The following PXDNL variants were observed in gnomAD, a reference collection of about 807,000 sequenced individuals.
PXDNL encodes peroxidasin like.
Under a neutral mutation model 150.8 loss-of-function variants are expected in PXDNL, and 145 were observed. The observed-to-expected ratio is 0.96, with a 90% CI of 0.84 to 1.10. The LOEUF (loss-of-function observed/expected upper bound fraction) is 1.10, where lower values mean the gene tolerates loss of function less well. Ranked by LOEUF, PXDNL falls within the 50% of genes least tolerant of loss-of-function variation. The probability of loss-of-function intolerance (pLI) is 0.00; values close to 1 mark genes in which losing one functional copy is unlikely to be tolerated. For missense variants in PXDNL, 2,087 were observed against 1,873.9 expected (o/e 1.11, Z -2.10); for synonymous variants, 757 against 725.7 (o/e 1.04, Z -0.69).
chr8:51,587,525 G>A (rs1203959053), intron 3 of PXDNL, among the ~76,000 whole-genome samples: 2 of 152,134 alleles, frequency 1.3e-5, no homozygotes, highest in Admixed American at 1.3e-4. Flanking sequence ...TAGAGGAAAA[G>A]CTATGCTATC....
chr8:51,396,302 T>C (rs1808079426), intron 17 of PXDNL, among the ~76,000 whole-genome samples: 1 of 152,212 alleles, frequency 6.6e-6, no homozygotes, highest in Non-Finnish European at 1.5e-5. Flanking sequence ...GCAGGAACCA[T>C]ATGTGCTGCT....
At chr8:51,674,458 G>A (rs867314756) in intron 1 of PXDNL, among the ~76,000 whole-genome samples, 4 of 152,348 alleles carry the variant, frequency 2.6e-5, no homozygotes, top group Middle Eastern at 3.4e-3. Flanking sequence ...GAAACTTCTT[G>A]CAGATTGCTT....
At chr8:51,760,845 C>T (rs1392669360) in intron 1 of PXDNL, among the ~76,000 whole-genome samples, 96 of 45,490 alleles carry the variant, frequency 2.1e-3, no homozygotes, top group South Asian at 3.5e-3. Flanking sequence ...ATCACTTAAA[C>T]TTTTTTTTTT....
intron 21 of PXDNL, among the ~76,000 whole-genome samples, chr8:51,335,844 A>G (rs1340730578): frequency 6.6e-6 from 1 of 152,178 alleles, no homozygotes; most frequent in African/African-American, 2.4e-5. Context: ...AAAAGGGCAA[A>G]TATAATTTAC....
chr8:51,658,540 G>C (rs559968793), intron 1 of PXDNL, among the ~76,000 whole-genome samples: 1 of 152,176 alleles, frequency 6.6e-6, no homozygotes, highest in South Asian at 2.1e-4. Flanking sequence ...TACATTATAA[G>C]CTGAAATTCT....
intron 15 of PXDNL, 36 bp from the exon 16 acceptor site, chr8:51,411,443 A>G (rs764162678): frequency 4.6e-6 from 7 of 1,528,956 alleles, no homozygotes; most frequent in Non-Finnish European, 5.2e-6. Flanking sequence ...TTTACAAGGC[A>G]AAACAGCAGA....
At chr8:51,689,592 A>G (rs996778588) in intron 1 of PXDNL, among the ~76,000 whole-genome samples, 4 of 151,870 alleles carry the variant, frequency 2.6e-5, no homozygotes, top group African/African-American at 9.7e-5. Flanking sequence ...TTTCCCTAAT[A>G]AGGTAACTGC....
rs147757873 is a variant in PXDNL at position 51,341,623 on chromosome 8, C to T, written c.4017-1870G>A. Among the ~76,000 whole-genome samples, 275 of 152,186 alleles carry T rather than the reference C, an allele frequency of 1.8e-3. 1 individual carries two copies. The highest frequency in any genetic ancestry group is 6.3e-3 in the African/African-American group (260 of 41,518). On this transcript the variant is annotated intron_variant, in intron 20 of 22. Transcript: ENST00000356297. ...TTGAGCAACAATTCTCCATTTCGTC[C>T]TCCTCCTAGCCCCTGGCAACCACCA...
chr8:51,482,712 G>A (rs1051344461), intron 6 of PXDNL, among the ~76,000 whole-genome samples: 5 of 152,152 alleles, frequency 3.3e-5, no homozygotes, highest in Admixed American at 6.5e-5. Context: ...GGAGTTCCCT[G>A]CACAGGCTCT....
chr8:51,377,144 A>ACACACACACACAC (rs10683453), intron 17 of PXDNL, among the ~76,000 whole-genome samples: 1 of 146,300 alleles, frequency 6.8e-6, no homozygotes, highest in African/African-American at 2.7e-5. Context: ...ACACACACAC[A>ACACACACACACAC]AAGCCAAAGC....
chr8:51,792,274 C>A (rs1427349561), intron 1 of PXDNL, among the ~76,000 whole-genome samples: 1 of 152,050 alleles, frequency 6.6e-6, no homozygotes, highest in East Asian at 1.9e-4. Flanking sequence ...GCATGACCCA[C>A]GGACAGCAAG....
intron 20 of PXDNL, among the ~76,000 whole-genome samples, chr8:51,342,180 T>C (rs994294959): frequency 9.2e-5 from 14 of 151,602 alleles, no homozygotes; most frequent in Non-Finnish European, 5.9e-5. Flanking sequence ...ATAAAATATA[T>C]AAAAAATAAG....
chr8:51,384,455 T>G (rs1237821319), intron 17 of PXDNL, among the ~76,000 whole-genome samples: 1 of 152,126 alleles, frequency 6.6e-6, no homozygotes, highest in Non-Finnish European at 1.5e-5. Flanking sequence ...GAAAGAAAAT[T>G]TTCCCAGAAT....
chr8:51,738,058 T>C (rs1368226395), intron 1 of PXDNL, among the ~76,000 whole-genome samples: 4 of 152,176 alleles, frequency 2.6e-5, no homozygotes, highest in African/African-American at 9.7e-5. Context: ...CATTGAGTAT[T>C]GGACAGACAC....
At chr8:51,583,951 C>G (rs1813266704) in intron 3 of PXDNL, among the ~76,000 whole-genome samples, 2 of 152,108 alleles carry the variant, frequency 1.3e-5, no homozygotes, top group Admixed American at 1.3e-4. Context: ...GGATGAGTCG[C>G]CCAAAGAGGA....
intron 2 of PXDNL, among the ~76,000 whole-genome samples, chr8:51,610,780 C>CCTCA (rs1813982830): frequency 6.6e-6 from 1 of 152,148 alleles, no homozygotes; most frequent in Admixed American, 6.5e-5. Context: ...GAACTGCAGC[C>CCTCA]CTCAGCTGCT....
intron 1 of PXDNL, among the ~76,000 whole-genome samples, chr8:51,757,006 T>C (rs149976455): frequency 4.5e-4 from 69 of 152,334 alleles, no homozygotes; most frequent in African/African-American, 1.5e-3. Context: ...TTTTGTCAAA[T>C]AGTACTAATT....
chr8:51,404,658 C>T (rs1808384614), intron 17 of PXDNL, among the ~76,000 whole-genome samples: 3 of 152,318 alleles, frequency 2.0e-5, no homozygotes, highest in African/African-American at 7.2e-5. Flanking sequence ...ATTTACAAAC[C>T]TTGAGCTAGA....
chr8:51,373,157 C>T (rs192954090), intron 18 of PXDNL, among the ~76,000 whole-genome samples: 4 of 152,182 alleles, frequency 2.6e-5, no homozygotes, highest in Non-Finnish European at 5.9e-5. Context: ...AAATAGATCA[C>T]GTGTGTGAGC....
Sources: allele counts gnomAD v4.1 joint callset (sites outside exome capture counted in the v4.1 genomes callset), GRCh38; gene constraint gnomAD v4.1.1; transcripts MANE v1.5; gene names NCBI Gene and HGNC (gene_info 2026-07-23, HGNC 2026-07-21).